The following KCNJ6 variants were observed in gnomAD, a reference collection of about 807,000 sequenced individuals.
KCNJ6 encodes the protein potassium inwardly rectifying channel subfamily J member 6.
Under a neutral mutation model 34.2 loss-of-function variants are expected in KCNJ6, and 9 were observed. The ratio of observed to expected loss-of-function variants is 0.26; its 90% CI spans 0.16 to 0.46. The LOEUF is 0.46. Ranked by LOEUF, KCNJ6 falls within the 20% of genes least tolerant of loss-of-function variation. The probability of loss-of-function intolerance (pLI) is 1.00; values close to 1 mark genes in which losing one functional copy is unlikely to be tolerated. For synonymous variants in KCNJ6, 196 were observed against 207.1 expected (o/e 0.95, Z 0.46); for missense variants, 236 against 531.3 (o/e 0.44, Z 5.46).
intron 1 of KCNJ6, among the ~76,000 whole-genome samples, chr21:37,888,888 G>A (rs970211522): frequency 6.6e-6 from 1 of 152,236 alleles, no homozygotes; most frequent in African/African-American, 2.4e-5. Context: ...GCAGCAGACA[G>A]AGCCGGGAGA....
intron 1 of KCNJ6, among the ~76,000 whole-genome samples, chr21:37,868,080 G>C (rs573941037): frequency 8.5e-5 from 13 of 152,312 alleles, no homozygotes; most frequent in African/African-American, 2.9e-4. Flanking sequence ...GAAGTTGAAG[G>C]CCAGCTCTCT....
intron 2 of KCNJ6, among the ~76,000 whole-genome samples, chr21:37,718,979 G>A (rs1348682027): frequency 6.6e-6 from 1 of 152,198 alleles, no homozygotes; most frequent in Non-Finnish European, 1.5e-5. Flanking sequence ...ATGGGGAGAT[G>A]GGGAGGGAAG....
chr21:37,859,083 G>A (rs1462991861), intron 1 of KCNJ6, among the ~76,000 whole-genome samples: 2 of 151,782 alleles, frequency 1.3e-5, no homozygotes, highest in African/African-American at 2.4e-5. Context: ...AGCAAACAAA[G>A]AACACAAAAT....
intron 1 of KCNJ6, among the ~76,000 whole-genome samples, chr21:37,884,809 C>A (rs1339549283): frequency 6.6e-6 from 1 of 152,192 alleles, no homozygotes; most frequent in African/African-American, 2.4e-5. Flanking sequence ...CTGCTTAAAC[C>A]AAGCTAGGCT....
At chr21:37,887,163 C>T (rs1251065796) in intron 1 of KCNJ6, among the ~76,000 whole-genome samples, 1 of 152,140 alleles carries the variant, frequency 6.6e-6, no homozygotes, top group African/African-American at 2.4e-5. Flanking sequence ...TTGGTCAAGT[C>T]ACCCTTGTGT....
intron 2 of KCNJ6, among the ~76,000 whole-genome samples, chr21:37,765,966 T>C (rs1002636192): frequency 3.9e-5 from 6 of 152,254 alleles, no homozygotes; most frequent in Non-Finnish European, 2.9e-5. Context: ...TTTGCATATT[T>C]GTAAGTTGAG....
At chr21:37,664,943 C>T (rs2054507141) in intron 3 of KCNJ6, among the ~76,000 whole-genome samples, 1 of 151,874 alleles carries the variant, frequency 6.6e-6, no homozygotes, top group South Asian at 2.1e-4. Context: ...CTACAGGTGC[C>T]TGCCACCGCG....
chr21:37,747,777 G>T (rs563870505), intron 2 of KCNJ6, among the ~76,000 whole-genome samples: 7 of 152,318 alleles, frequency 4.6e-5, no homozygotes, highest in African/African-American at 1.7e-4. Flanking sequence ...ATTCTCCCCT[G>T]GAAGGTGCAG....
intron 3 of KCNJ6, among the ~76,000 whole-genome samples, chr21:37,712,455 T>TC (rs1342725771): frequency 1.4e-5 from 1 of 73,514 alleles, no homozygotes; most frequent in East Asian, 6.5e-4. Flanking sequence ...CTCCCCAGCC[T>TC]CCCCTCCTCC....
chr21:37,905,574 C>T (rs765421925), intron 1 of KCNJ6, among the ~76,000 whole-genome samples: 11 of 152,296 alleles, frequency 7.2e-5, no homozygotes, highest in Admixed American at 5.9e-4. Context: ...ACTGTTCTTC[C>T]AAGACTCCTT....
chr21:37,870,524 G>T (rs761238682), intron 1 of KCNJ6, among the ~76,000 whole-genome samples: 13 of 151,674 alleles, frequency 8.6e-5, no homozygotes, highest in Non-Finnish European at 1.9e-4. Context: ...CTTGCTTTCA[G>T]CACTGTTAGA....
At chr21:37,634,646 A>G (rs144984064) in intron 3 of KCNJ6, among the ~76,000 whole-genome samples, 166 of 146,468 alleles carry the variant, frequency 1.1e-3, no homozygotes, top group African/African-American at 3.8e-3. Flanking sequence ...GATGAATCTT[A>G]GAAACATAAT....
At chr21:37,831,238 C>T (rs1237824394) in intron 2 of KCNJ6, among the ~76,000 whole-genome samples, 1 of 152,194 alleles carries the variant, frequency 6.6e-6, no homozygotes, top group African/African-American at 2.4e-5. Context: ...TGAAAAAATA[C>T]CAGCTTTTCA....
chr21:37,782,604 T>A (rs900771960), intron 2 of KCNJ6, among the ~76,000 whole-genome samples: 1 of 152,186 alleles, frequency 6.6e-6, no homozygotes, highest in Non-Finnish European at 1.5e-5. Flanking sequence ...ATTCTGGTTC[T>A]CCAGCCACCC....
At position 37,620,994 on chromosome 21, in the gene KCNJ6, A is replaced by G. The variant is rs2054288296; in HGVS notation, c.*4165T>C. ...ACATTTTCTTAGATACCGGTTGGCC[A>G]TAAAGTTCAGAAACAAGATAATGTT... is the stretch of plus-strand genomic sequence containing the variant. On this transcript the variant is annotated 3_prime_UTR_variant, in exon 4 of 4. Transcript: ENST00000609713. 6.6e-6 allele frequency: 1 copy of G among 152,278 alleles called. No homozygotes were observed. The allele number at this position is 152,278 out of a possible 1,614,324, so 9.4% of individuals were successfully genotyped here.
chr21:37,774,729 T>A (rs1303820784), intron 2 of KCNJ6, among the ~76,000 whole-genome samples: 4 of 152,200 alleles, frequency 2.6e-5, no homozygotes, highest in African/African-American at 4.8e-5. Context: ...TGTGCCACAT[T>A]TTCTTAATCC....
chr21:37,767,477 C>T (rs1407016310), intron 2 of KCNJ6, among the ~76,000 whole-genome samples: 1 of 152,120 alleles, frequency 6.6e-6, no homozygotes, highest in Admixed American at 6.5e-5. Context: ...TTCCAGGGAA[C>T]CAGGGAAGAG....
chr21:37,625,949 T>A (rs1157824996), intron 3 of KCNJ6, among the ~76,000 whole-genome samples: 1 of 152,172 alleles, frequency 6.6e-6, no homozygotes, highest in Non-Finnish European at 1.5e-5. Context: ...CTTAGGCTGC[T>A]TTTAAGCTAG....
intron 2 of KCNJ6, among the ~76,000 whole-genome samples, chr21:37,797,373 C>T (rs142749051): frequency 2.2e-4 from 34 of 152,272 alleles, no homozygotes; most frequent in African/African-American, 6.7e-4. Context: ...TTTGTAGTTA[C>T]CATGCACAAG....
Sources: gnomAD v4.1 joint callset for allele counts (sites outside exome capture counted in the v4.1 genomes callset) on GRCh38, gnomAD v4.1.1 for gene constraint, MANE v1.5 for transcripts, NCBI Gene and HGNC (gene_info 2026-07-23, HGNC 2026-07-21) for gene names.